The following RBFOX1 variants were observed in gnomAD, a reference collection of about 807,000 sequenced individuals.
RBFOX1 encodes the protein RNA binding protein fox-1 homolog 1.
Under a neutral mutation model 57.7 loss-of-function variants are expected in RBFOX1, and 8 were observed. The ratio of observed to expected loss-of-function variants is 0.14; its 90% CI spans 0.08 to 0.25. RBFOX1 has a LOEUF of 0.25. Ranked by LOEUF, RBFOX1 falls within the 10% of genes least tolerant of loss-of-function variation. RBFOX1 has a pLI of 1.00. For synonymous variants in RBFOX1, 326 were observed against 222.4 expected, an observed-to-expected ratio of 1.47 and a Z score of -4.15; for missense variants, 611 against 548.5, an observed-to-expected ratio of 1.11 and a Z score of -1.14.
At chr16:7,440,847 C>T (rs990200829) in intron 4 of RBFOX1, among the ~76,000 whole-genome samples, 1 of 152,090 alleles carries the variant, frequency 6.6e-6, no homozygotes, top group Non-Finnish European at 1.5e-5. Context: ...TTTCAGGGTC[C>T]AGCGTGGCCT....
intron 4 of RBFOX1, among the ~76,000 whole-genome samples, chr16:6,004,798 T>C (rs559018805): frequency 2.0e-5 from 3 of 152,316 alleles, no homozygotes; most frequent in South Asian, 4.1e-4. Context: ...TGACATGCAG[T>C]GTAAATCATT....
chr16:7,657,602 G>C (rs2066639747), intron 12 of RBFOX1, among the ~76,000 whole-genome samples: 1 of 152,258 alleles, frequency 6.6e-6, no homozygotes, highest in Non-Finnish European at 1.5e-5. Context: ...ACTGCGCACA[G>C]ACATTCATCA....
intron 1 of RBFOX1, among the ~76,000 whole-genome samples, chr16:6,116,271 G>T (rs773546007): frequency 2.0e-5 from 3 of 151,194 alleles, no homozygotes; most frequent in Non-Finnish European, 4.4e-5. Context: ...GCCTGTCAGG[G>T]GGTGGGGGGC....
intron 2 of RBFOX1, among the ~76,000 whole-genome samples, chr16:6,325,891 C>G (rs1169889579): frequency 6.6e-6 from 1 of 152,124 alleles, no homozygotes; most frequent in Non-Finnish European, 1.5e-5. Context: ...TCAGAAAATA[C>G]CAGCCCAACT....
intron 4 of RBFOX1, among the ~76,000 whole-genome samples, chr16:7,435,955 C>CA (rs2098718328): frequency 6.6e-6 from 1 of 152,192 alleles, no homozygotes; most frequent in African/African-American, 2.4e-5. Context: ...TGCAGCACGT[C>CA]ATTCCTTTTA....
intron 4 of RBFOX1, among the ~76,000 whole-genome samples, chr16:7,335,996 A>T (rs2096779818): frequency 6.6e-6 from 1 of 152,364 alleles, no homozygotes; most frequent in Non-Finnish European, 1.5e-5. Flanking sequence ...TGCATTGTAC[A>T]AATATTGGCT....
At chr16:6,742,948 C>G (rs896504938) in intron 3 of RBFOX1, among the ~76,000 whole-genome samples, 2 of 152,030 alleles carry the variant, frequency 1.3e-5, no homozygotes, top group African/African-American at 4.8e-5. Context: ...AGGGGTTAAA[C>G]TTATACAAAC....
chr16:5,274,020 C>T (rs978548727), intron 1 of RBFOX1, among the ~76,000 whole-genome samples: 14 of 152,178 alleles, frequency 9.2e-5, no homozygotes, highest in Non-Finnish European at 1.6e-4. Flanking sequence ...AATGTATTCC[C>T]TCTCAGGTTT....
chr16:5,484,765 A>G (rs888194163), intron 2 of RBFOX1, among the ~76,000 whole-genome samples: 5 of 151,962 alleles, frequency 3.3e-5, no homozygotes, highest in Non-Finnish European at 7.4e-5. Context: ...ACAAAAAATT[A>G]GCCAGGCGTG....
chr16:5,905,817 C>T (rs2058442807), intron 4 of RBFOX1, among the ~76,000 whole-genome samples: 1 of 152,208 alleles, frequency 6.6e-6, no homozygotes, highest in South Asian at 2.1e-4. Context: ...AACTGATCCA[C>T]TCCCAAGCCC....
chr16:6,043,608 C>G (rs140176069), intron 1 of RBFOX1, among the ~76,000 whole-genome samples: 10 of 152,140 alleles, frequency 6.6e-5, no homozygotes, highest in Non-Finnish European at 1.5e-4. Context: ...TGGCGATGGC[C>G]AGAAATTTCA....
At chr16:6,758,053 A>G (rs138341194) in intron 3 of RBFOX1, among the ~76,000 whole-genome samples, 11 of 152,304 alleles carry the variant, frequency 7.2e-5, no homozygotes, top group South Asian at 4.1e-4. Flanking sequence ...CCAAACTACT[A>G]TCTTCTTTAT....
intron 4 of RBFOX1, among the ~76,000 whole-genome samples, chr16:7,141,843 C>T (rs2152115434): frequency 6.6e-6 from 1 of 152,264 alleles, no homozygotes; most frequent in South Asian, 2.1e-4. Flanking sequence ...CACCATGCTA[C>T]TGCTCTTGTT....
At chr16:5,553,928 G>C (rs1463855319) in intron 2 of RBFOX1, among the ~76,000 whole-genome samples, 1 of 151,390 alleles carries the variant, frequency 6.6e-6, no homozygotes, top group African/African-American at 2.4e-5. Flanking sequence ...GCAAACAACA[G>C]ACATGTCTTA....
intron 1 of RBFOX1, among the ~76,000 whole-genome samples, chr16:5,406,383 G>A (rs903242307): frequency 6.6e-6 from 1 of 152,110 alleles, no homozygotes; most frequent in African/African-American, 2.4e-5. Context: ...GCTTGAGCTG[G>A]GACGTCAATC....
At chr16:7,660,146 T>G (rs1456369399) in intron 12 of RBFOX1, among the ~76,000 whole-genome samples, 1 of 151,876 alleles carries the variant, frequency 6.6e-6, no homozygotes, top group African/African-American at 2.4e-5. Flanking sequence ...ATTTTATACT[T>G]TTTTTTTAAA....
chr16:7,076,562 G>A (rs910652594), intron 4 of RBFOX1, among the ~76,000 whole-genome samples: 3 of 152,084 alleles, frequency 2.0e-5, no homozygotes, highest in Non-Finnish European at 4.4e-5. Context: ...ACACCTGTGG[G>A]ATGCCTGCAG....
chr16:7,440,517 G>A (rs1567179026), intron 4 of RBFOX1, among the ~76,000 whole-genome samples: 2 of 152,154 alleles, frequency 1.3e-5, no homozygotes, highest in African/African-American at 2.4e-5. Flanking sequence ...GCATTAGGCG[G>A]CATTTGAGCT....
intron 3 of RBFOX1, among the ~76,000 whole-genome samples, chr16:6,735,545 C>G (rs926933989): frequency 7.9e-5 from 12 of 152,204 alleles, no homozygotes; most frequent in African/African-American, 1.9e-4. Context: ...TGTCTTTTAA[C>G]TATTTCTCGT....
Sources: gnomAD v4.1 joint callset for allele counts (sites outside exome capture counted in the v4.1 genomes callset) on GRCh38, gnomAD v4.1.1 for gene constraint, MANE v1.5 for transcripts, NCBI Gene and HGNC (gene_info 2026-07-23, HGNC 2026-07-21) for gene names.